The following TMX3 variants were observed in gnomAD, a reference collection of about 807,000 sequenced individuals.
TMX3 encodes the protein protein disulfide-isomerase TMX3.
TMX3 carries 40 observed loss-of-function variants against 64.4 expected under a neutral mutation model. The observed-to-expected ratio is 0.62, with a 90% confidence interval of 0.48 to 0.81. The LOEUF (loss-of-function observed/expected upper bound fraction) is 0.81, where lower values mean the gene tolerates loss of function less well. Ranked by LOEUF, TMX3 falls within the 30% of genes least tolerant of loss-of-function variation. The probability of loss-of-function intolerance (pLI) is 0.00; values close to 1 mark genes in which losing one functional copy is unlikely to be tolerated. For missense variants in TMX3, 497 were observed against 534.5 expected, an observed-to-expected ratio of 0.93 and a Z score of 0.69; for synonymous variants, 189 against 175.7, an observed-to-expected ratio of 1.08 and a Z score of -0.60.
At chr18:68,697,886 T>G in intron 7 of TMX3, 46 bp downstream of exon 7, 1 of 1,267,094 alleles carries the variant, frequency 7.9e-7, no homozygotes, top group Non-Finnish European at 1.1e-6. Flanking sequence ...ATAGAGTAAA[T>G]TAAATTACAA....
chr18:68,681,373 T>G lies in TMX3; in HGVS notation c.906-263A>C, dbSNP rs911325211. On this transcript the variant is annotated intron_variant, in intron 13 of 15. Transcript: ENST00000299608. ...AATTATCAAAAATCTCAAAAACATT[T>G]TATAACATATGTATTGAAAAAAATT... 9.8e-6 allele frequency: 7 copies of G among 713,586 alleles called. No homozygotes were observed. In the African/African-American group the frequency reaches 1.1e-4, roughly 12 times the overall value. The allele number at this position is 713,586 out of a possible 1,614,324, so 44.2% of individuals were successfully genotyped here. A position where few individuals can be genotyped will look rare whatever the true frequency, so the allele number is the denominator to read the frequency against.
At chr18:68,697,748 TC>T (rs1387673367) in intron 7 of TMX3, 183 bp downstream of exon 7, 4 of 530,520 alleles carry the variant, frequency 7.5e-6, no homozygotes, top group Non-Finnish European at 1.3e-5. Context: ...CACTTCTGTT[TC>T]ATATAGGAAA....
chr18:68,679,823 C>T (rs540490357), intron 14 of TMX3, among the ~76,000 whole-genome samples: 1 of 152,144 alleles, frequency 6.6e-6, no homozygotes, highest in African/African-American at 2.4e-5. Context: ...GACAGCCTAA[C>T]CAGCTTTTGA....
rs151324623 is a variant in TMX3, at chr18:68,680,100, GTTTCA to G, written c.1036-574_1036-570del. Reference sequence around the variant, plus strand: ...AGGCTGATTATTTATATAGGTGAGAGTTTCATTTCAACAAATTATTTTCAAAAATA... The same window carrying G: ...AGGCTGATTATTTATATAGGTGAGAGTTTCAACAAATTATTTTCAAAAATA... On this transcript the variant is annotated intron_variant, in intron 14 of 15. Coordinates refer to ENST00000299608, the MANE Select transcript of TMX3 (RefSeq NM_019022.5). Among the ~76,000 whole-genome samples the G allele has an allele frequency of 3.4e-4, 52 of 152,222 alleles. No homozygotes were observed. The East Asian group carries it at 9.8e-3, about 29-fold the overall frequency.
chr18:68,699,310 A>C (rs1283439077), intron 6 of TMX3, among the ~76,000 whole-genome samples: 1 of 151,952 alleles, frequency 6.6e-6, no homozygotes, highest in Non-Finnish European at 1.5e-5. Flanking sequence ...CTAAACCAAA[A>C]CTCATTAAAA....
At chr18:68,689,984 A>G (rs1431532177) in intron 9 of TMX3, 1 of 152,190 alleles carries the variant, frequency 6.6e-6, no homozygotes, top group Admixed American at 6.5e-5. Flanking sequence ...GTTATTATCT[A>G]TAGAAACAAA....
In TMX3 at chr18:68,676,949, T is replaced by G. The variant is rs1912973198; in HGVS notation, c.1349A>C (p.Glu450Ala). The change falls in exon 16 of 16, where the codon GAA becomes GCA. Residue 450 changes from glutamate to alanine, a missense_variant. Coordinates refer to ENST00000299608, the MANE Select transcript of TMX3 (RefSeq NM_019022.5). ...CATCAAGTCTCAATCTTTCTTCTTT[T>G]CTAATACATCCTTGGGCTCCTGCAC... ...PTVQEPKDVLEKKKD is the reference protein window; with the variant it reads ...PTVQEPKDVLAKKKD 6.2e-7 allele frequency: 1 copy of G among 1,612,150 alleles called. No homozygotes were observed. Among genetic ancestry groups the G allele is most frequent in the Non-Finnish European group, 8.5e-7 (1 of 1,179,466 alleles).
At chr18:68,697,103 T>A in intron 8 of TMX3, 123 bp downstream of exon 8, 1 of 584,956 alleles carries the variant, frequency 1.7e-6, no homozygotes, top group Non-Finnish European at 2.9e-6. Context: ...CATATCACAG[T>A]AAATAAATCT....
intron 4 of TMX3, chr18:68,706,268 G>A (rs191041504): frequency 1.3e-5 from 2 of 152,112 alleles, no homozygotes; most frequent in East Asian, 1.9e-4. Flanking sequence ...AACATTAGTC[G>A]AGTGTGGTGG....
intron 4 of TMX3, among the ~76,000 whole-genome samples, chr18:68,703,421 C>T (rs2030326861): frequency 6.6e-6 from 1 of 152,154 alleles, no homozygotes; most frequent in African/African-American, 2.4e-5. Context: ...ACTGGTCATG[C>T]TTCATAGCCT....
chr18:68,701,408 T>A (rs140271809), intron 5 of TMX3, among the ~76,000 whole-genome samples: 1 of 152,210 alleles, frequency 6.6e-6, no homozygotes, highest in African/African-American at 2.4e-5. Flanking sequence ...CAGATTAGAG[T>A]ATCATCAACT....
At chr18:68,680,354 G>A (rs890098433) in intron 14 of TMX3, among the ~76,000 whole-genome samples, 1 of 152,106 alleles carries the variant, frequency 6.6e-6, no homozygotes, top group Non-Finnish European at 1.5e-5. Context: ...GTGACTTGCG[G>A]TGGTTTCATG....
chr18:68,691,218 T>TA (rs1248834525), intron 9 of TMX3, 77 bp downstream of exon 9: 1 of 1,031,466 alleles, frequency 9.7e-7, no homozygotes, highest in Non-Finnish European at 1.4e-6. Flanking sequence ...AGCATTTACA[T>TA]AATCTTTACA....
chr18:68,702,752 T>G (rs1472023753), intron 4 of TMX3, among the ~76,000 whole-genome samples: 3 of 152,212 alleles, frequency 2.0e-5, no homozygotes, highest in Non-Finnish European at 2.9e-5. Flanking sequence ...TGAATTCCAA[T>G]TTAACAATCA....
At position 68,700,435 on chromosome 18, in the gene TMX3, T is replaced by A; in HGVS notation, c.362A>T (p.Asp121Val). The A allele has an allele frequency of 6.3e-7, 1 of 1,581,990 alleles. No homozygotes were observed. Among genetic ancestry groups the A allele is most frequent in the South Asian group, 1.2e-5 (1 of 83,404 alleles). ...TACTCTGTGAGCAAACTCAATAATATCATCTTTTGTTCGTGGTCCTCTATA... is the reference window on the plus strand; with the variant it reads ...TACTCTGTGAGCAAACTCAATAATAACATCTTTTGTTCGTGGTCCTCTATA... Reference protein sequence around the residue: ...YNYRGPRTKDDIIEFAHRVSG... With the variant: ...YNYRGPRTKDVIIEFAHRVSG... Residue 121 changes from aspartate (D) to valine (V), a missense_variant, in exon 6 of 16, where the codon GAT becomes GTT. Transcript: ENST00000299608.
In TMX3 at chr18:68,697,961, C is replaced by G. The variant is rs770677336; in HGVS notation, c.463G>C (p.Val155Leu). 3 of 1,611,786 alleles carry G rather than the reference C, an allele frequency of 1.9e-6. No individual in the cohort carries two copies. Among genetic ancestry groups the G allele is most frequent in the Non-Finnish European group, 2.5e-6 (3 of 1,179,456 alleles). The change falls in exon 7 of 16, where the codon GTT becomes CTT. Residue 155 changes from valine to leucine, a missense_variant. Physicochemically the swap from Val to Leu is conservative, Grantham distance 32. Around this residue, in one of 3 missense-constraint regions of TMX3, gnomAD observed 360 missense variants for 383.5 expected, o/e 0.94. Coordinates refer to ENST00000299608, the MANE Select transcript of TMX3 (RefSeq NM_019022.5). ...HMQKRHRVFF[V>L]YVGGESPLKE... ...AAAGGTGATTCTCCACCTACATAAA[C>G]GAAAAATACACGGTGTCTCTTCTGC... is the stretch of plus-strand genomic sequence containing the variant.
At chr18:68,677,843 A>C (rs958686926) in intron 15 of TMX3, among the ~76,000 whole-genome samples, 1 of 152,158 alleles carries the variant, frequency 6.6e-6, no homozygotes, top group Non-Finnish European at 1.5e-5. Flanking sequence ...AATAAAAGAA[A>C]GTTTCACAGA....
In TMX3 at chr18:68,684,472, A is replaced by AGCCAC; in HGVS notation, c.745_749dup (p.Leu251TrpfsTer18). ...TATTTTTCTCATCAATAACTGCAAGAGCCACAAGCTTTCCTGAAATAAAGA... is the reference window on the plus strand; with the variant it reads ...TATTTTTCTCATCAATAACTGCAAGAGCCACGCCACAAGCTTTCCTGAAATAAAGA... On this transcript the variant is annotated frameshift_variant, in exon 11 of 16. Coordinates refer to ENST00000299608, the MANE Select transcript of TMX3 (RefSeq NM_019022.5). LOFTEE classifies it high-confidence loss of function. 1 of 1,612,882 alleles carries AGCCAC rather than the reference A, an allele frequency of 6.2e-7. No homozygotes were observed. The highest frequency in any genetic ancestry group is 8.5e-7 in the Non-Finnish European group (1 of 1,179,558).
chr18:68,690,346 T>C (rs1914397564), intron 9 of TMX3, among the ~76,000 whole-genome samples: 3 of 152,166 alleles, frequency 2.0e-5, no homozygotes, highest in Admixed American at 1.3e-4. Context: ...TTTATTGAAT[T>C]AGAATTTAGA....
Sources: gnomAD v4.1 joint callset for allele counts (sites outside exome capture counted in the v4.1 genomes callset) on GRCh38, gnomAD v4.1.1 for gene constraint, gnomAD v4.1.1 regional missense constraint, MANE v1.5 for transcripts, NCBI Gene and HGNC (gene_info 2026-07-23, HGNC 2026-07-21) for gene names.